Variants in SPIDR observed in about 807,000 individuals in gnomAD.
The protein encoded by SPIDR is DNA repair-scaffolding protein.
Under a neutral mutation model 104.6 loss-of-function variants are expected in SPIDR, and 93 were observed. That is an observed-to-expected ratio of 0.89 (90% confidence interval 0.75 to 1.06). The LOEUF (loss-of-function observed/expected upper bound fraction) is 1.06. SPIDR is among the 50% of genes least tolerant of loss of function. The pLI is 0.00. For synonymous variants in SPIDR, 431 were observed against 416.9 expected (o/e 1.03, Z -0.41); for missense variants, 1,154 against 1,111.2 (o/e 1.04, Z -0.55).
intron 10 of SPIDR, among the ~76,000 whole-genome samples, chr8:47,615,018 G>A (rs1315061205): frequency 2.0e-5 from 3 of 151,756 alleles, no homozygotes; most frequent in Admixed American, 6.6e-5. Flanking sequence ...CTCCCATCCT[G>A]TAGGTTGTCT....
chr8:47,541,172 TAAAAG>T (rs2088052300), intron 8 of SPIDR, among the ~76,000 whole-genome samples: 1 of 152,246 alleles, frequency 6.6e-6, no homozygotes, highest in African/African-American at 2.4e-5. Context: ...TTAACACTCT[TAAAAG>T]AACATACTAC....
At chr8:47,292,528 T>C (rs1249229456) in intron 4 of SPIDR, among the ~76,000 whole-genome samples, 2 of 152,190 alleles carry the variant, frequency 1.3e-5, no homozygotes, top group Non-Finnish European at 2.9e-5. Context: ...GGATTACACA[T>C]GTGAGCTGTC....
chr8:47,411,736 A>G (rs1267881370), intron 7 of SPIDR, among the ~76,000 whole-genome samples: 8 of 152,150 alleles, frequency 5.3e-5, no homozygotes, highest in African/African-American at 1.2e-4. Flanking sequence ...GCCCATGCCC[A>G]TGTCCTGAAT....
intron 8 of SPIDR, among the ~76,000 whole-genome samples, chr8:47,499,544 CTT>C (rs759672744): frequency 3.7e-4 from 49 of 130,812 alleles, no homozygotes; most frequent in Middle Eastern, 4.0e-3. Context: ...GGCAGCATTT[CTT>C]TTTTTTTTTT....
chr8:47,300,206 C>T (rs2041794981), intron 5 of SPIDR, among the ~76,000 whole-genome samples: 1 of 152,110 alleles, frequency 6.6e-6, no homozygotes, highest in Non-Finnish European at 1.5e-5. Context: ...AGGAATTTAC[C>T]CGTTTCTCCT....
At chr8:47,599,664 T>A (rs534257592) in intron 10 of SPIDR, among the ~76,000 whole-genome samples, 36 of 152,300 alleles carry the variant, frequency 2.4e-4, no homozygotes, top group African/African-American at 8.2e-4. Flanking sequence ...ATGATGTAAA[T>A]GTCGTCTGTC....
At chr8:47,370,681 A>G (rs1033930003) in intron 5 of SPIDR, among the ~76,000 whole-genome samples, 10 of 151,032 alleles carry the variant, frequency 6.6e-5, no homozygotes, top group Non-Finnish European at 1.2e-4. Context: ...CAAACTCCTG[A>G]CCTTGGGATC....
intron 2 of SPIDR, among the ~76,000 whole-genome samples, chr8:47,283,827 C>T (rs1159301922): frequency 6.6e-6 from 1 of 152,042 alleles, no homozygotes; most frequent in African/African-American, 2.4e-5. Context: ...TCAGTCAGAT[C>T]TCTTTAGATT....
At chr8:47,703,949 A>G (rs907559850) in intron 14 of SPIDR, among the ~76,000 whole-genome samples, 1 of 152,230 alleles carries the variant, frequency 6.6e-6, no homozygotes, top group African/African-American at 2.4e-5. Flanking sequence ...TAAGGATGCC[A>G]TAGGTGCTGC....
At chr8:47,325,198 A>T (rs2047459024) in intron 5 of SPIDR, among the ~76,000 whole-genome samples, 1 of 152,204 alleles carries the variant, frequency 6.6e-6, no homozygotes, top group African/African-American at 2.4e-5. Context: ...TAAGCAAAAA[A>T]ATAAGTTTGC....
At chr8:47,620,353 C>T (rs181352255) in intron 10 of SPIDR, among the ~76,000 whole-genome samples, 79 of 147,444 alleles carry the variant, frequency 5.4e-4, no homozygotes, top group Non-Finnish European at 4.4e-5. Context: ...TGGCTCACTG[C>T]AACCTCTGCA....
At chr8:47,686,697 G>A (rs1350931813) in intron 11 of SPIDR, among the ~76,000 whole-genome samples, 1 of 152,028 alleles carries the variant, frequency 6.6e-6, no homozygotes, top group African/African-American at 2.4e-5. Flanking sequence ...ATTACTTCCA[G>A]TTTTAGGGGA....
At chr8:47,526,272 G>C (rs920278787) in intron 8 of SPIDR, among the ~76,000 whole-genome samples, 1 of 152,132 alleles carries the variant, frequency 6.6e-6, no homozygotes, top group Non-Finnish European at 1.5e-5. Flanking sequence ...ACTGTTCTTG[G>C]TTATTTAATT....
chr8:47,312,610 C>G (rs1290359108), intron 5 of SPIDR, among the ~76,000 whole-genome samples: 7 of 151,980 alleles, frequency 4.6e-5, no homozygotes, highest in Non-Finnish European at 8.8e-5. Flanking sequence ...ATTGTAGATT[C>G]TGGATATTAG....
At chr8:47,327,180 C>G (rs1400891493) in intron 5 of SPIDR, among the ~76,000 whole-genome samples, 2 of 151,964 alleles carry the variant, frequency 1.3e-5, no homozygotes, top group Admixed American at 1.3e-4. Context: ...TTTTGGTTTG[C>G]AATTCTCTAA....
At chr8:47,330,370 C>T (rs782324479) in intron 5 of SPIDR, among the ~76,000 whole-genome samples, 4 of 152,098 alleles carry the variant, frequency 2.6e-5, no homozygotes, top group Non-Finnish European at 2.9e-5. Flanking sequence ...ATCTTTCTTA[C>T]GCAAAGTCAC....
At chr8:47,493,036 A>AGTGTGT (rs762772196) in intron 8 of SPIDR, among the ~76,000 whole-genome samples, 1 of 123,372 alleles carries the variant, frequency 8.1e-6, no homozygotes, top group Non-Finnish European at 1.6e-5. Flanking sequence ...AGAGAGAGAG[A>AGTGTGT]GAGTGAGTGT....
chr8:47,354,071 T>G (rs1266201695), intron 5 of SPIDR, among the ~76,000 whole-genome samples: 2 of 152,196 alleles, frequency 1.3e-5, no homozygotes, highest in African/African-American at 4.8e-5. Context: ...ATAACAGCTC[T>G]CCTAACCATA....
chr8:47,355,538 A>G (rs1442102321), intron 5 of SPIDR, among the ~76,000 whole-genome samples: 1 of 152,206 alleles, frequency 6.6e-6, no homozygotes, highest in Admixed American at 6.5e-5. Flanking sequence ...TCACACATAC[A>G]TGAAAAATAA....
Sources: gnomAD v4.1 joint callset for allele counts (sites outside exome capture counted in the v4.1 genomes callset) on GRCh38, gnomAD v4.1.1 for gene constraint, MANE v1.5 for transcripts, NCBI Gene and HGNC (gene_info 2026-07-23, HGNC 2026-07-21) for gene names.